DOCK4: variants seen among roughly 807,000 people sequenced by gnomAD.
DOCK4 encodes the protein dedicator of cytokinesis 4.
Under a neutral mutation model 268.1 loss-of-function variants are expected in DOCK4, and 97 were observed. That is an observed-to-expected ratio of 0.36 (90% CI 0.31 to 0.43). The LOEUF (loss-of-function observed/expected upper bound fraction) is 0.43, where lower values mean the gene tolerates loss of function less well. Among genes scored for constraint, DOCK4 ranks in the 20% least tolerant of loss-of-function variants. The pLI, the probability that DOCK4 is intolerant of heterozygous loss-of-function variation, is 1.00. For missense variants in DOCK4, 2,145 were observed against 2,455.7 expected (o/e 0.87, Z 2.67); for synonymous variants, 954 against 887.2 (o/e 1.08, Z -1.34).
chr7:111,971,676 G>T, intron 8 of DOCK4: 1 of 258,834 alleles, frequency 3.9e-6, no homozygotes, highest in Non-Finnish European at 7.0e-6. Flanking sequence ...TGGGCCAACA[G>T]CCTCTTCTCT....
At chr7:111,823,511 A>G (rs967205060) in intron 26 of DOCK4, among the ~76,000 whole-genome samples, 51 of 152,060 alleles carry the variant, frequency 3.4e-4, no homozygotes, top group African/African-American at 9.4e-4. Context: ...CCTGGCCGGT[A>G]TATTGCTTCC....
At chr7:111,798,481 A>G (rs1220822157) in intron 30 of DOCK4, among the ~76,000 whole-genome samples, 1 of 152,166 alleles carries the variant, frequency 6.6e-6, no homozygotes, top group Non-Finnish European at 1.5e-5. Flanking sequence ...CTCTAATCCA[A>G]TATTTTTCTC....
chr7:111,811,796 G>C, intron 28 of DOCK4, 78 bp downstream of exon 28: 1 of 883,876 alleles, frequency 1.1e-6, no homozygotes, highest in Non-Finnish European at 1.8e-6. Context: ...TACGGCCCAA[G>C]AAAATGTTAG....
chr7:111,732,624 C>A (rs1202601932), intron 51 of DOCK4: 3 of 254,466 alleles, frequency 1.2e-5, no homozygotes, highest in Admixed American at 5.2e-5. Flanking sequence ...TCATAAGGTG[C>A]TTTTAGGTGT....
chr7:111,741,459 G>A, intron 46 of DOCK4, 81 bp downstream of exon 46: 2 of 1,549,030 alleles, frequency 1.3e-6, no homozygotes, highest in Non-Finnish European at 1.7e-6. Context: ...TTGACAAATT[G>A]TGCCATAAAG....
chr7:112,131,618 A>T (rs1813806273), intron 1 of DOCK4, among the ~76,000 whole-genome samples: 1 of 152,240 alleles, frequency 6.6e-6, no homozygotes, highest in African/African-American at 2.4e-5. Flanking sequence ...GGAAACAGCT[A>T]AAATGTGATA....
intron 8 of DOCK4, among the ~76,000 whole-genome samples, chr7:111,957,628 C>T (rs113064881): frequency 1.2e-4 from 19 of 152,058 alleles, no homozygotes; most frequent in Non-Finnish European, 8.8e-5. Flanking sequence ...AATCTCGAAT[C>T]GTCTTACAAC....
intron 42 of DOCK4, among the ~76,000 whole-genome samples, chr7:111,748,811 A>T (rs545525789): frequency 6.6e-6 from 1 of 152,308 alleles, no homozygotes; most frequent in African/African-American, 2.4e-5. Flanking sequence ...AAAAATGTTC[A>T]TAATCTCCAA....
chr7:111,808,492 G>C (rs943539037), intron 30 of DOCK4: 3 of 235,198 alleles, frequency 1.3e-5, no homozygotes, highest in African/African-American at 4.5e-5. Context: ...CAGAGTTCTA[G>C]AAATTTTGAG....
intron 15 of DOCK4, among the ~76,000 whole-genome samples, chr7:111,896,907 A>T (rs558744299): frequency 3.3e-5 from 5 of 152,260 alleles, no homozygotes; most frequent in African/African-American, 9.6e-5. Context: ...CCCCATAGAG[A>T]AACTGGAAAA....
At chr7:111,757,984 G>A (rs1344143897) in intron 41 of DOCK4, among the ~76,000 whole-genome samples, 1 of 152,106 alleles carries the variant, frequency 6.6e-6, no homozygotes, top group Non-Finnish European at 1.5e-5. Context: ...GAGAAACCTT[G>A]TCCCATTCTG....
intron 1 of DOCK4, among the ~76,000 whole-genome samples, chr7:112,061,144 G>A (rs1806348471): frequency 6.6e-6 from 1 of 152,044 alleles, no homozygotes; most frequent in Admixed American, 6.5e-5. Context: ...TCCATCTATG[G>A]AGATCTTTCC....
At chr7:111,907,741 T>C (rs887557216) in intron 13 of DOCK4, among the ~76,000 whole-genome samples, 4 of 152,144 alleles carry the variant, frequency 2.6e-5, no homozygotes, top group African/African-American at 9.7e-5. Flanking sequence ...TATATCAATG[T>C]ATATTTTGAT....
chr7:112,206,043 G>A (rs1297568293), intron 1 of DOCK4, 59 bp downstream of exon 1: 12 of 1,539,024 alleles, frequency 7.8e-6, no homozygotes, highest in African/African-American at 4.1e-5. Context: ...GGGCAAGGAC[G>A]AGAAATGCGC....
At chr7:112,160,501 G>A (rs1817015030) in intron 1 of DOCK4, among the ~76,000 whole-genome samples, 1 of 152,168 alleles carries the variant, frequency 6.6e-6, no homozygotes, top group Non-Finnish European at 1.5e-5. Context: ...AGCTCTGAGG[G>A]AGGAGCAACT....
At chr7:112,165,348 T>A (rs896931739) in intron 1 of DOCK4, among the ~76,000 whole-genome samples, 8 of 134,928 alleles carry the variant, frequency 5.9e-5, no homozygotes, top group Non-Finnish European at 1.2e-4. Context: ...CTCCTATCTA[T>A]CTATCTTTCC....
At chr7:111,923,781 T>C (rs908971894) in intron 12 of DOCK4, among the ~76,000 whole-genome samples, 1 of 152,354 alleles carries the variant, frequency 6.6e-6, no homozygotes, top group African/African-American at 2.4e-5. Flanking sequence ...TCACTGCTCT[T>C]AAATGTTTAT....
chr7:111,850,599 G>A (rs981585407), intron 23 of DOCK4, among the ~76,000 whole-genome samples: 2 of 152,120 alleles, frequency 1.3e-5, no homozygotes, highest in African/African-American at 2.4e-5. Context: ...AAATTAGTCA[G>A]TTCCTGCCTT....
intron 8 of DOCK4, among the ~76,000 whole-genome samples, chr7:111,947,864 C>G (rs1181726533): frequency 6.6e-6 from 1 of 152,050 alleles, no homozygotes; most frequent in East Asian, 1.9e-4. Flanking sequence ...GCTGGGACTA[C>G]AGCTGTGTGC....
Sources: gnomAD v4.1 joint callset for allele counts (sites outside exome capture counted in the v4.1 genomes callset) on GRCh38, gnomAD v4.1.1 for gene constraint, MANE v1.5 for transcripts, NCBI Gene and HGNC (gene_info 2026-07-23, HGNC 2026-07-21) for gene names.